Variants in GPATCH8 observed in about 807,000 individuals in gnomAD.
The protein encoded by GPATCH8 is G patch domain-containing protein 8.
In GPATCH8, 18 loss-of-function variants were observed where a neutral mutation model predicts 118.3. The ratio of observed to expected loss-of-function variants is 0.15; its 90% CI spans 0.11 to 0.23. The LOEUF is 0.23. Ranked by LOEUF, GPATCH8 falls within the 10% of genes least tolerant of loss-of-function variation. The pLI is 1.00. For missense variants in GPATCH8, 1,631 were observed against 1,873.8 expected, an observed-to-expected ratio of 0.87 and a Z score of 2.39; for synonymous variants, 659 against 684.7, an observed-to-expected ratio of 0.96 and a Z score of 0.59.
intron 2 of GPATCH8, among the ~76,000 whole-genome samples, chr17:44,467,445 T>C (rs1263521079): frequency 6.6e-6 from 1 of 152,212 alleles, no homozygotes; most frequent in Non-Finnish European, 1.5e-5. Context: ...TAGAAAATGG[T>C]AGTGGCATTT....
At chr17:44,489,555 G>T (rs1235642559) in intron 1 of GPATCH8, among the ~76,000 whole-genome samples, 1 of 152,052 alleles carries the variant, frequency 6.6e-6, no homozygotes, top group Non-Finnish European at 1.5e-5. Context: ...GGCCAGGCTG[G>T]TCTTGAACTC....
rs575037688 is a variant in GPATCH8, at chr17:44,489,355, T to G, written c.45+13971A>C. ...GTCCCCACCCCCTCTTTTTTGTTTT[T>G]TTTTTTTGAGATGGAGTCTCTGTCA... On this transcript the variant is annotated intron_variant, in intron 1 of 7. Transcript: ENST00000591680. Among the ~76,000 whole-genome samples the G allele has an allele frequency of 2.0e-5, 3 of 151,876 alleles. No homozygotes were observed. The South Asian group carries it at 6.2e-4, about 32-fold the overall frequency.
At chr17:44,453,639 C>T (rs2051218739) in intron 3 of GPATCH8, among the ~76,000 whole-genome samples, 1 of 151,998 alleles carries the variant, frequency 6.6e-6, no homozygotes, top group South Asian at 2.1e-4. Flanking sequence ...GATCCTCCCA[C>T]CTAAACCACC....
At chr17:44,480,613 G>A (rs769217372) in intron 1 of GPATCH8, among the ~76,000 whole-genome samples, 18 of 151,900 alleles carry the variant, frequency 1.2e-4, no homozygotes, top group Admixed American at 2.6e-4. Flanking sequence ...CCAGCTACTC[G>A]GGAGGCTGAG....
intron 3 of GPATCH8, among the ~76,000 whole-genome samples, chr17:44,448,034 C>A (rs1426336154): frequency 6.6e-6 from 1 of 152,080 alleles, no homozygotes; most frequent in Non-Finnish European, 1.5e-5. Context: ...ACCTCTGCCT[C>A]CCAGGTTCAA....
chr17:44,410,946 C>T (rs1174767399), intron 6 of GPATCH8, among the ~76,000 whole-genome samples: 1 of 152,164 alleles, frequency 6.6e-6, no homozygotes, highest in Non-Finnish European at 1.5e-5. Flanking sequence ...TAAAACATAA[C>T]TTAAACAGCA....
intron 3 of GPATCH8, among the ~76,000 whole-genome samples, chr17:44,448,017 CACTGCA>C (rs1442983485): frequency 6.6e-6 from 1 of 152,110 alleles, no homozygotes; most frequent in African/African-American, 2.4e-5. Flanking sequence ...GATCTCAGCT[CACTGCA>C]ACCTCTGCCT....
chr17:44,481,152 C>T (rs1968208882), intron 1 of GPATCH8, among the ~76,000 whole-genome samples: 1 of 152,166 alleles, frequency 6.6e-6, no homozygotes, highest in African/African-American at 2.4e-5. Flanking sequence ...CTCAATCTGC[C>T]CATCTTAGCC....
intron 1 of GPATCH8, among the ~76,000 whole-genome samples, chr17:44,484,867 TTG>T (rs1359663485): frequency 2.6e-5 from 4 of 152,136 alleles, no homozygotes; most frequent in Admixed American, 1.3e-4. Flanking sequence ...ATGTATTTGT[TTG>T]TGATTCAATC....
Position 44,418,000 on chromosome 17 carries a change from ATATATC to A in GPATCH8, c.492+6343_492+6348del, listed in dbSNP as rs1332187983. ...ACTAATAATGTGAAGGCCAGATAAA[ATATATC>A]TATGAGATAATTTGTGACCTCTCTA... On this transcript the variant is annotated intron_variant, in intron 6 of 7. Transcript: ENST00000591680. Among the ~76,000 whole-genome samples the A allele has an allele frequency of 2.0e-5, 3 of 152,348 alleles. No homozygotes were observed. In the East Asian group the frequency reaches 5.8e-4, roughly 29 times the overall value.
intron 2 of GPATCH8, among the ~76,000 whole-genome samples, chr17:44,470,380 T>C (rs1028483052): frequency 6.6e-6 from 1 of 151,866 alleles, no homozygotes; most frequent in African/African-American, 2.4e-5. Context: ...GTATTTTTAG[T>C]AGACATGGGG....
At chr17:44,424,019 A>T (rs2050004858) in intron 6 of GPATCH8, among the ~76,000 whole-genome samples, 1 of 152,246 alleles carries the variant, frequency 6.6e-6, no homozygotes, top group Non-Finnish European at 1.5e-5. Flanking sequence ...TAACGCGTTA[A>T]GAGCAGAAAT....
At chr17:44,483,456 G>A (rs1036300602) in intron 1 of GPATCH8, among the ~76,000 whole-genome samples, 2 of 150,352 alleles carry the variant, frequency 1.3e-5, no homozygotes, top group Non-Finnish European at 3.0e-5. Context: ...TCACCATATT[G>A]GCCAGGCTGG....
intron 2 of GPATCH8, among the ~76,000 whole-genome samples, chr17:44,466,901 T>C (rs2051787902): frequency 1.3e-5 from 2 of 151,778 alleles, no homozygotes; most frequent in Admixed American, 6.6e-5. Flanking sequence ...TGACAAAAAT[T>C]GTTGCTCCCC....
intron 3 of GPATCH8, among the ~76,000 whole-genome samples, chr17:44,463,043 C>T (rs935894481): frequency 1.3e-5 from 2 of 151,596 alleles, no homozygotes; most frequent in African/African-American, 4.8e-5. Flanking sequence ...TATTTCAAGC[C>T]CTGTCCTCCT....
chr17:44,490,932 T>G (rs1424837558), intron 1 of GPATCH8, among the ~76,000 whole-genome samples: 2 of 152,224 alleles, frequency 1.3e-5, no homozygotes, highest in Non-Finnish European at 2.9e-5. Flanking sequence ...AGACAGGAAT[T>G]GCCTTAAATT....
chr17:44,406,394 A>G (rs2049222746), intron 6 of GPATCH8, among the ~76,000 whole-genome samples: 1 of 151,140 alleles, frequency 6.6e-6, no homozygotes, highest in South Asian at 2.1e-4. Context: ...ACATAACATG[A>G]GATAAATTGT....
Position 44,397,616 on chromosome 17 carries a change from G to A in GPATCH8, c.4461C>T (p.Pro1487=). Residue 1487 remains proline, a synonymous_variant, in exon 8 of 8, where the codon CCC becomes CCT. Transcript: ENST00000591680. ...TALHLHPLLH[P]IFSGQDLQHP... ...GTTGCAGGTCCTGACCTGAGAAGATGGGGTGAAGTAGTGGGTGAAGGTGAA... is the reference window on the plus strand; with the variant it reads ...GTTGCAGGTCCTGACCTGAGAAGATAGGGTGAAGTAGTGGGTGAAGGTGAA... 1 of 1,613,892 alleles carries A rather than the reference G, an allele frequency of 6.2e-7. No individual in the cohort carries two copies. Among genetic ancestry groups the A allele is most frequent in the Non-Finnish European group, 8.5e-7 (1 of 1,179,878 alleles).
At chr17:44,502,719 G>A (rs147333724) in intron 1 of GPATCH8, among the ~76,000 whole-genome samples, 363 of 152,214 alleles carry the variant, frequency 2.4e-3, no homozygotes, top group African/African-American at 8.6e-3. Flanking sequence ...TGCTTTCCAA[G>A]CCCAATTAAC....
Sources: gnomAD v4.1 joint callset for allele counts (sites outside exome capture counted in the v4.1 genomes callset) on GRCh38, gnomAD v4.1.1 for gene constraint, MANE v1.5 for transcripts, NCBI Gene and HGNC (gene_info 2026-07-23, HGNC 2026-07-21) for gene names.